CDC42BPB: variants seen among roughly 807,000 people sequenced by gnomAD.
The protein encoded by CDC42BPB is serine/threonine-protein kinase MRCK beta.
Under a neutral mutation model 214.9 loss-of-function variants are expected in CDC42BPB, and 37 were observed. The ratio of observed to expected loss-of-function variants is 0.17; its 90% CI spans 0.13 to 0.23. The LOEUF is 0.23. Among genes scored for constraint, CDC42BPB ranks in the 10% least tolerant of loss-of-function variants. The probability of loss-of-function intolerance (pLI) is 1.00; values close to 1 mark genes in which losing one functional copy is unlikely to be tolerated. For missense variants in CDC42BPB, 1,694 were observed against 2,227.0 expected, an observed-to-expected ratio of 0.76 and a Z score of 4.82; for synonymous variants, 931 against 884.0, an observed-to-expected ratio of 1.05 and a Z score of -0.94.
At chr14:102,957,852 C>T (rs139626718) in intron 21 of CDC42BPB, among the ~76,000 whole-genome samples, 70 of 152,316 alleles carry the variant, frequency 4.6e-4, no homozygotes, top group Non-Finnish European at 7.8e-4. Context: ...CTCAACCCAA[C>T]GATCAGACTT....
chr14:103,015,937 C>T (rs1340865579), intron 1 of CDC42BPB, among the ~76,000 whole-genome samples: 3 of 151,756 alleles, frequency 2.0e-5, no homozygotes, highest in African/African-American at 4.8e-5. Flanking sequence ...AGGATGGTCT[C>T]GATCTCCTGA....
rs1893413763 is a variant in CDC42BPB at position 102,970,212 on chromosome 14, T to C, written c.1934A>G (p.Lys645Arg). Reference sequence around the variant, plus strand: ...GAAGTTCTCGCTGTGCTCACGAAGCTTGCGCTCCTTGGAGGCCTCAGCAAC... The same window carrying C: ...GAAGTTCTCGCTGTGCTCACGAAGCCTGCGCTCCTTGGAGGCCTCAGCAAC... The part of the protein sequence containing the change: ...DAVAEASKER[K>R]LREHSENFCK... Residue 645 changes from lysine (K) to arginine (R), a missense_variant, in exon 14 of 37, where the codon AAG becomes AGG. Physicochemically the swap from Lys to Arg is conservative, Grantham distance 26. Coordinates refer to ENST00000361246, the MANE Select transcript of CDC42BPB (RefSeq NM_006035.4). The C allele has an allele frequency of 1.2e-6, 2 of 1,613,906 alleles. No individual in the cohort carries two copies. The highest frequency in any genetic ancestry group is 2.2e-5 in the East Asian group (1 of 44,876).
chr14:103,000,508 C>A (rs1007760194), intron 4 of CDC42BPB, among the ~76,000 whole-genome samples: 7 of 152,254 alleles, frequency 4.6e-5, no homozygotes, highest in African/African-American at 1.7e-4. Context: ...CAGCCAGAGT[C>A]AGGGTGGCAG....
intron 4 of CDC42BPB, 89 bp downstream of exon 4, chr14:103,003,838 TC>T: frequency 9.8e-7 from 1 of 1,024,968 alleles, no homozygotes. Context: ...AAATGTCAGT[TC>T]CACATTGTCT....
At chr14:102,946,865 G>A (rs1414402522) in intron 27 of CDC42BPB, 181 bp from the exon 28 acceptor site, 2 of 985,462 alleles carry the variant, frequency 2.0e-6, no homozygotes, top group Non-Finnish European at 2.4e-6. Flanking sequence ...GCAGGACACG[G>A]AAGGGGCGGG....
intron 5 of CDC42BPB, among the ~76,000 whole-genome samples, chr14:102,991,454 T>C (rs887735109): frequency 1.3e-5 from 2 of 152,330 alleles, no homozygotes; most frequent in East Asian, 3.9e-4. Context: ...TGACAATAAA[T>C]GCAACATGTG....
At chr14:102,997,972 C>T (rs537506715) in intron 5 of CDC42BPB, among the ~76,000 whole-genome samples, 1 of 152,226 alleles carries the variant, frequency 6.6e-6, no homozygotes, top group Middle Eastern at 3.4e-3. Flanking sequence ...TGGCGAAATC[C>T]CATCTCTACT....
At chr14:103,008,171 G>A (rs541264346) in intron 3 of CDC42BPB, among the ~76,000 whole-genome samples, 1 of 152,336 alleles carries the variant, frequency 6.6e-6, no homozygotes, top group East Asian at 1.9e-4. Flanking sequence ...GAGCAGAACT[G>A]CAATCAATGC....
At position 102,964,486 on chromosome 14, in the gene CDC42BPB, C is replaced by A. The variant is rs1893102851; in HGVS notation, c.2726+16G>T. On this transcript the variant is annotated intron_variant, in intron 19 of 36. Coordinates refer to ENST00000361246, the MANE Select transcript of CDC42BPB (RefSeq NM_006035.4). The stretch of plus-strand genomic sequence containing the variant: ...GCCACTGCTCCTACCTGGAGTCAGA[C>A]CCTGGCACCAAGTACCTTTCCAAGG... 3.1e-6 allele frequency: 5 copies of A among 1,612,490 alleles called. No individual in the cohort carries two copies. The highest frequency in any genetic ancestry group is 1.1e-5 in the South Asian group (1 of 90,978).
chr14:102,956,285 AG>A (rs1397443393), intron 21 of CDC42BPB: 1 of 185,888 alleles, frequency 5.4e-6, no homozygotes, highest in African/African-American at 2.4e-5. Flanking sequence ...AGGAGGAGAG[AG>A]AGTCCTTGGA....
At chr14:102,937,046 G>T (rs1265300786) in intron 36 of CDC42BPB, 1 of 152,132 alleles carries the variant, frequency 6.6e-6, no homozygotes, top group Non-Finnish European at 1.5e-5. Flanking sequence ...AAAAATTGTT[G>T]TTTTGTGAAT....
At chr14:103,052,156 G>A (rs753836227) in intron 1 of CDC42BPB, among the ~76,000 whole-genome samples, 6 of 152,150 alleles carry the variant, frequency 3.9e-5, no homozygotes, top group Non-Finnish European at 8.8e-5. Context: ...AGAAAAGGTA[G>A]GGCTGGGTTG....
chr14:103,041,407 CA>C, intron 1 of CDC42BPB: 89 of 638,912 alleles, frequency 1.4e-4, no homozygotes, highest in Middle Eastern at 4.4e-4. Flanking sequence ...GATATGACAG[CA>C]AAAAAAACAA....
chr14:103,012,785 A>C (rs1886230475), intron 1 of CDC42BPB, among the ~76,000 whole-genome samples: 1 of 152,370 alleles, frequency 6.6e-6, no homozygotes, highest in South Asian at 2.1e-4. Flanking sequence ...AGTCTGGGCA[A>C]CAAAGCAAGA....
chr14:103,041,974 G>A (rs569700332), intron 1 of CDC42BPB: 7 of 336,836 alleles, frequency 2.1e-5, no homozygotes, highest in East Asian at 8.7e-5. Flanking sequence ...AGTCATCACC[G>A]AGGAGAAGAA....
At chr14:103,002,813 C>T (rs1479946695) in intron 4 of CDC42BPB, among the ~76,000 whole-genome samples, 1 of 152,132 alleles carries the variant, frequency 6.6e-6, no homozygotes, top group Non-Finnish European at 1.5e-5. Flanking sequence ...CCCCTGTGGG[C>T]CTGAAACATC....
Position 102,968,703 on chromosome 14 carries a change from C to T in CDC42BPB, c.2009G>A (p.Gly670Asp). 2 of 1,613,932 alleles carry T rather than the reference C, an allele frequency of 1.2e-6. No individual in the cohort carries two copies. The highest frequency in any genetic ancestry group is 1.7e-6 in the Non-Finnish European group (2 of 1,180,004). ...CTCTAAGGTGGCACCCGCTCCCCGGCCTCCTTGCTTCACCTGAAGACAAAG... is the reference window on the plus strand; with the variant it reads ...CTCTAAGGTGGCACCCGCTCCCCGGTCTCCTTGCTTCACCTGAAGACAAAG... Reference protein sequence around the residue: ...ELEALKVKQGGRGAGATLEHQ... With the variant: ...ELEALKVKQGDRGAGATLEHQ... Residue 670 changes from glycine to aspartate, a missense_variant, in exon 15 of 37, where the codon GGC becomes GAC. Around this residue, in one of 7 missense-constraint regions of CDC42BPB, gnomAD observed 462 missense variants for 513.5 expected, o/e 0.90. Coordinates refer to ENST00000361246, the MANE Select transcript of CDC42BPB (RefSeq NM_006035.4).
chr14:103,015,180 A>C (rs1886388326), intron 1 of CDC42BPB, among the ~76,000 whole-genome samples: 1 of 152,216 alleles, frequency 6.6e-6, no homozygotes, highest in African/African-American at 2.4e-5. Flanking sequence ...GCAGCAGGGG[A>C]CCTGTGTGCA....
chr14:103,035,855 T>TA lies in CDC42BPB; in HGVS notation c.175+21143dup, dbSNP rs1338425312. ...ACTCTGTCTCAAAAAAAATAAAAAA[T>TA]AAAAAAAAATAAGGCCGGGCACAGT... On this transcript the variant is annotated intron_variant, in intron 1 of 36. Coordinates refer to ENST00000361246, the MANE Select transcript of CDC42BPB (RefSeq NM_006035.4). Among the ~76,000 whole-genome samples, 4 of 147,106 alleles carry TA rather than the reference T, an allele frequency of 2.7e-5. 1 individual carries two copies. The highest frequency in any genetic ancestry group is 4.3e-4 in the South Asian group (2 of 4,620).
Sources: gnomAD v4.1 joint callset for allele counts (sites outside exome capture counted in the v4.1 genomes callset) on GRCh38, gnomAD v4.1.1 for gene constraint, gnomAD v4.1.1 regional missense constraint, MANE v1.5 for transcripts, NCBI Gene and HGNC (gene_info 2026-07-23, HGNC 2026-07-21) for gene names.